KHDC1: variants seen among roughly 807,000 people sequenced by gnomAD.
KHDC1 encodes KH homology domain-containing protein 1.
A neutral mutation model predicts 24.7 loss-of-function variants in KHDC1; 21 were observed. The ratio of observed to expected loss-of-function variants is 0.85; its 90% CI spans 0.60 to 1.23. The LOEUF is 1.23. KHDC1 is among the 50% of genes most tolerant of loss of function. The pLI, the probability that KHDC1 is intolerant of heterozygous loss-of-function variation, is 0.00. For missense variants in KHDC1, 274 were observed against 298.5 expected, an observed-to-expected ratio of 0.92 and a Z score of 0.61; for synonymous variants, 98 against 111.7, an observed-to-expected ratio of 0.88 and a Z score of 0.77.
rs1013248392 is a variant in KHDC1, at chr6:73,264,523, G to C, written c.207-21993C>G. ...GAACGCCTGTAGGAACCCAGGACCT[G>C]TGAGCAGGTAGAGTCCTGAAGGTTT... On this transcript the variant is annotated intron_variant, in intron 2 of 4. Coordinates refer to ENST00000370384, the Ensembl canonical transcript of KHDC1. Among the ~76,000 whole-genome samples the C allele has an allele frequency of 1.3e-5, 2 of 152,194 alleles. 1 individual carries two copies. The highest frequency in any genetic ancestry group is 4.8e-5 in the African/African-American group (2 of 41,454).
chr6:73,276,782 A>G lies in KHDC1; in HGVS notation c.206+15216T>C, dbSNP rs558075344. Among the ~76,000 whole-genome samples, 91 of 152,354 alleles carry G rather than the reference A, an allele frequency of 6.0e-4. 1 individual carries two copies. The South Asian group carries it at 0.018, about 31-fold the overall frequency. On this transcript the variant is annotated intron_variant, in intron 2 of 4. Coordinates refer to ENST00000370384, the Ensembl canonical transcript of KHDC1. Reference sequence around the variant, plus strand: ...CCTCCTTTTTTGCACCTGTAGCTAAAGGGCAGCAAGTGTTTTCTGTACTCT... The same window carrying G: ...CCTCCTTTTTTGCACCTGTAGCTAAGGGGCAGCAAGTGTTTTCTGTACTCT...
At chr6:73,282,122 G>A (rs1767425330) in intron 2 of KHDC1, among the ~76,000 whole-genome samples, 1 of 149,462 alleles carries the variant, frequency 6.7e-6, no homozygotes, top group Admixed American at 6.7e-5. Context: ...GGAGGCTGAG[G>A]CATGAGAATT....
At chr6:73,283,401 T>C (rs1354586340) in intron 2 of KHDC1, among the ~76,000 whole-genome samples, 1 of 152,062 alleles carries the variant, frequency 6.6e-6, no homozygotes, top group Non-Finnish European at 1.5e-5. Flanking sequence ...TGGCTTTTGC[T>C]TTAATCTTTT....
At position 73,241,916 on chromosome 6, in the gene KHDC1, C is replaced by A. The variant is rs1265810511; in HGVS notation, c.514+139G>T. 42 of 1,114,816 alleles carry A rather than the reference C, an allele frequency of 3.8e-5. No homozygotes were observed. In the East Asian group the frequency reaches 1.0e-3, roughly 27 times the overall value. The allele number at this position is 1,114,816 out of a possible 1,614,324, so 69.1% of individuals were successfully genotyped here. On this transcript the variant is annotated intron_variant, in intron 4 of 4. Coordinates refer to ENST00000370384, the Ensembl canonical transcript of KHDC1. Reference sequence around the variant, plus strand: ...CTCATGCCACAAAAAAAGATGAGCACTTTTCTTCCCAATGGACTCTGGGAA... The same window carrying A: ...CTCATGCCACAAAAAAAGATGAGCAATTTTCTTCCCAATGGACTCTGGGAA...
At chr6:73,276,011 T>C (rs113511820) in intron 2 of KHDC1, 6,725 of 152,120 alleles carry the variant, frequency 0.044, 354 homozygotes, top group African/African-American at 0.12. Flanking sequence ...GCCAATATGG[T>C]GAAACCCTGT....
At chr6:73,282,242 C>T (rs924496920) in intron 2 of KHDC1, among the ~76,000 whole-genome samples, 4 of 150,638 alleles carry the variant, frequency 2.7e-5, no homozygotes, top group African/African-American at 7.3e-5. Flanking sequence ...AAAGATGCCA[C>T]TCTAGTGGAG....
chr6:73,283,017 A>G (rs1217309750), intron 2 of KHDC1, among the ~76,000 whole-genome samples: 2 of 152,240 alleles, frequency 1.3e-5, no homozygotes, highest in Admixed American at 1.3e-4. Flanking sequence ...GCCACTGGGC[A>G]GTTACATACC....
chr6:73,252,377 A>AT (rs938783787), intron 2 of KHDC1, among the ~76,000 whole-genome samples: 2 of 152,048 alleles, frequency 1.3e-5, no homozygotes, highest in African/African-American at 4.8e-5. Context: ...TTCATTGAAA[A>AT]TTTTTTTATA....
intron 2 of KHDC1, among the ~76,000 whole-genome samples, chr6:73,281,734 C>G (rs924714636): frequency 6.6e-6 from 1 of 152,020 alleles, no homozygotes; most frequent in Non-Finnish European, 1.5e-5. Context: ...TATTAAAGCC[C>G]ATACTTTATT....
chr6:73,308,501 G>T (rs1024457475), intron 1 of KHDC1, among the ~76,000 whole-genome samples: 1 of 151,172 alleles, frequency 6.6e-6, no homozygotes, highest in Non-Finnish European at 1.5e-5. Context: ...GTGAACCACC[G>T]CGTCCGGCTT....
At chr6:73,308,282 G>A (rs919282247) in intron 1 of KHDC1, among the ~76,000 whole-genome samples, 2 of 151,808 alleles carry the variant, frequency 1.3e-5, no homozygotes, top group African/African-American at 4.8e-5. Context: ...CACCGTGTTA[G>A]CCAGGGTGGT....
chr6:73,298,772 C>G (rs1172602740), intron 1 of KHDC1, among the ~76,000 whole-genome samples: 1 of 151,998 alleles, frequency 6.6e-6, no homozygotes, highest in Non-Finnish European at 1.5e-5. Context: ...GGATTCCGCT[C>G]TGTCACCCAG....
At chr6:73,252,101 G>C (rs940740456) in intron 2 of KHDC1, among the ~76,000 whole-genome samples, 3 of 150,370 alleles carry the variant, frequency 2.0e-5, no homozygotes, top group African/African-American at 7.4e-5. Context: ...GGAGTGCAGT[G>C]GTGCAATCAG....
intron 2 of KHDC1, among the ~76,000 whole-genome samples, chr6:73,252,594 T>A (rs1766800460): frequency 6.6e-6 from 1 of 151,782 alleles, no homozygotes; most frequent in Non-Finnish European, 1.5e-5. Context: ...CGGATCACTT[T>A]GAGCTCAGGA....
chr6:73,309,592 G>A (rs1033437222), exon 1 of KHDC1: 1 of 1,546,890 alleles, frequency 6.5e-7, no homozygotes, highest in African/African-American at 1.4e-5. Flanking sequence ...ACACTGTCCC[G>A]ATCAGGAGCA....
intron 2 of KHDC1, among the ~76,000 whole-genome samples, chr6:73,258,969 C>A (rs1232976833): frequency 6.6e-6 from 1 of 152,252 alleles, no homozygotes; most frequent in East Asian, 1.9e-4. Flanking sequence ...CCTGACCCAA[C>A]GGGAGCCCAC....
At chr6:73,309,662 A>G in exon 1 of KHDC1, 1 of 1,550,102 alleles carries the variant, frequency 6.5e-7, no homozygotes. Context: ...GTATTCTGAG[A>G]CTGTTTCAAT....
intron 2 of KHDC1, among the ~76,000 whole-genome samples, chr6:73,245,613 G>C (rs1269521233): frequency 1.3e-5 from 2 of 152,190 alleles, no homozygotes; most frequent in African/African-American, 2.4e-5. Flanking sequence ...GTCTTGGAGA[G>C]CGTTCTCAAA....
chr6:73,306,775 G>A (rs1305670884), intron 1 of KHDC1, among the ~76,000 whole-genome samples: 3 of 152,126 alleles, frequency 2.0e-5, no homozygotes, highest in Non-Finnish European at 4.4e-5. Flanking sequence ...TTGGGAGGCC[G>A]AGGCAGGCAG....
Sources: allele counts gnomAD v4.1 joint callset (sites outside exome capture counted in the v4.1 genomes callset), GRCh38; gene constraint gnomAD v4.1.1; transcripts MANE v1.5; gene names NCBI Gene and HGNC (gene_info 2026-07-23, HGNC 2026-07-21).